Variants in PABPC4L observed in about 807,000 individuals in gnomAD.
The protein encoded by PABPC4L is polyadenylate-binding protein 4-like.
For synonymous variants in PABPC4L, 169 were observed against 164.1 expected (o/e 1.03, Z -0.23); for missense variants, 452 against 451.4 (o/e 1.00, Z -0.01).
At chr4:133,955,110 A>C in the PABPC4L span, among the ~76,000 whole-genome samples, 1 of 152,140 alleles carries the variant, frequency 6.6e-6, no homozygotes, top group Admixed American at 6.5e-5. Flanking sequence ...TGATCACTCA[A>C]GTCAATAAAG....
At chr4:134,081,504 T>C in the PABPC4L span, among the ~76,000 whole-genome samples, 68 of 152,242 alleles carry the variant, frequency 4.5e-4, 1 homozygote, top group South Asian at 0.013. Flanking sequence ...AGTAAGATTA[T>C]GGAGTTTATT....
chr4:134,034,989 G>T, the PABPC4L span, among the ~76,000 whole-genome samples: 10 of 136,102 alleles, frequency 7.3e-5, no homozygotes, highest in African/African-American at 2.5e-4. Context: ...ATGAAAGGAA[G>T]TCAGTTGATG....
At chr4:134,201,482 T>C (rs1729884141) in intron 1 of PABPC4L, among the ~76,000 whole-genome samples, 1 of 151,992 alleles carries the variant, frequency 6.6e-6, no homozygotes, top group South Asian at 2.1e-4. Flanking sequence ...GGCTGCGAGG[T>C]TCTGCCCGGC....
At chr4:133,955,082 C>T in the PABPC4L span, among the ~76,000 whole-genome samples, 8 of 151,656 alleles carry the variant, frequency 5.3e-5, no homozygotes, top group Non-Finnish European at 1.0e-4. Context: ...GATAATAACA[C>T]AGAAACATGA....
the PABPC4L span, among the ~76,000 whole-genome samples, chr4:133,951,172 G>A: frequency 9.9e-5 from 15 of 152,120 alleles, no homozygotes; most frequent in East Asian, 5.8e-4. Context: ...CACTCAGGAC[G>A]ACTCATCCAC....
At chr4:134,032,471 C>T in the PABPC4L span, among the ~76,000 whole-genome samples, 1 of 151,770 alleles carries the variant, frequency 6.6e-6, no homozygotes, top group Admixed American at 6.6e-5. Flanking sequence ...AAACACATTC[C>T]ACCAATTACT....
chr4:134,160,658 T>C, the PABPC4L span, among the ~76,000 whole-genome samples: 1 of 152,116 alleles, frequency 6.6e-6, no homozygotes, highest in South Asian at 2.1e-4. Flanking sequence ...GAAAGGATTG[T>C]TGAGGTCAGA....
chr4:133,963,224 C>T, the PABPC4L span, among the ~76,000 whole-genome samples: 4 of 152,194 alleles, frequency 2.6e-5, no homozygotes, highest in East Asian at 5.8e-4. Context: ...TTTAAAGCAA[C>T]AGCAGTTAAA....
the PABPC4L span, among the ~76,000 whole-genome samples, chr4:134,173,129 G>A: frequency 1.6e-5 from 2 of 121,330 alleles, no homozygotes; most frequent in African/African-American, 3.2e-5. Context: ...AATTAGAAGA[G>A]CTACTATGGA....
the PABPC4L span, among the ~76,000 whole-genome samples, chr4:134,146,854 A>G: frequency 0.71 from 107,502 of 151,802 alleles, 39,654 homozygotes; most frequent in East Asian, 1. Context: ...GTAAGATGGC[A>G]ATGGAAGTTC....
In PABPC4L at chr4:134,199,919, G is replaced by T. The variant is rs779783392; in HGVS notation, c.1101C>A (p.Ala367=). 3 of 1,551,428 alleles carry T rather than the reference G, an allele frequency of 1.9e-6. 1 individual carries two copies. The South Asian group carries it at 3.6e-5, about 18-fold the overall frequency. ...ACGTTTTTCTTTCCTAGTGTCTCTG[G>T]GCCAAGGCAATGCTAAGAGGTTTGG... The part of the protein sequence containing the change: ...LGSKPLSIAL[A]QRH The change falls in exon 2 of 2, where the codon GCC becomes GCA. Residue 367 remains alanine (A), a synonymous_variant. Transcript: ENST00000421491.
chr4:133,967,007 A>G, the PABPC4L span, among the ~76,000 whole-genome samples: 1 of 152,068 alleles, frequency 6.6e-6, no homozygotes, highest in Non-Finnish European at 1.5e-5. Flanking sequence ...AAGTAATGGA[A>G]TTTGGAGATG....
At chr4:134,003,971 C>G in the PABPC4L span, among the ~76,000 whole-genome samples, 1 of 151,922 alleles carries the variant, frequency 6.6e-6, no homozygotes, top group South Asian at 2.1e-4. Context: ...TGTACCTCAT[C>G]TCATACACAA....
the PABPC4L span, among the ~76,000 whole-genome samples, chr4:134,153,142 C>T: frequency 6.6e-6 from 1 of 152,110 alleles, no homozygotes; most frequent in Non-Finnish European, 1.5e-5. Context: ...GATAAACATC[C>T]AAACATAATA....
At chr4:133,993,682 C>G in the PABPC4L span, among the ~76,000 whole-genome samples, 1 of 152,086 alleles carries the variant, frequency 6.6e-6, no homozygotes, top group Admixed American at 6.6e-5. Context: ...TTTGGGTTAA[C>G]TGAAAAGGTT....
chr4:134,061,478 T>C, the PABPC4L span, among the ~76,000 whole-genome samples: 1 of 151,806 alleles, frequency 6.6e-6, no homozygotes, highest in Non-Finnish European at 1.5e-5. Flanking sequence ...AGAAGAAAGT[T>C]TTAAATCTTA....
At chr4:134,079,206 G>A in the PABPC4L span, among the ~76,000 whole-genome samples, 1 of 150,842 alleles carries the variant, frequency 6.6e-6, no homozygotes, top group Non-Finnish European at 1.5e-5. Flanking sequence ...TCCTGACCTC[G>A]TGTCCCGCCT....
chr4:133,980,598 A>G, the PABPC4L span, among the ~76,000 whole-genome samples: 1 of 152,154 alleles, frequency 6.6e-6, no homozygotes, highest in African/African-American at 2.4e-5. Context: ...AGCTATATTT[A>G]CCAAACATGT....
the PABPC4L span, among the ~76,000 whole-genome samples, chr4:133,948,824 C>T: frequency 1.3e-5 from 2 of 152,130 alleles, no homozygotes; most frequent in African/African-American, 4.8e-5. Flanking sequence ...TTTACATCCC[C>T]ATATCTGGTC....
Sources: gnomAD v4.1 joint callset for allele counts (sites outside exome capture counted in the v4.1 genomes callset) on GRCh38, gnomAD v4.1.1 for gene constraint, MANE v1.5 for transcripts, NCBI Gene and HGNC (gene_info 2026-07-23, HGNC 2026-07-21) for gene names.